The following EVL variants were observed in gnomAD, a reference collection of about 807,000 sequenced individuals.
EVL encodes ena/VASP-like protein.
In EVL, 21 loss-of-function variants were observed where a neutral mutation model predicts 59.6. That is an observed-to-expected ratio of 0.35 (90% CI 0.25 to 0.51). EVL has a LOEUF of 0.51. EVL is among the 20% of genes least tolerant of loss of function. The pLI is 0.97. For missense variants in EVL, 462 were observed against 546.6 expected (o/e 0.85, Z 1.54); for synonymous variants, 198 against 203.5 (o/e 0.97, Z 0.23).
chr14:100,079,392 A>G (rs112278458), intron 1 of EVL, among the ~76,000 whole-genome samples: 6,807 of 152,274 alleles, frequency 0.045, 221 homozygotes, highest in African/African-American at 0.078. Context: ...ATTCATGTCT[A>G]CAGCATACAG....
intron 1 of EVL, among the ~76,000 whole-genome samples, chr14:99,993,266 G>T (rs971057787): frequency 3.9e-5 from 6 of 151,968 alleles, no homozygotes; most frequent in Admixed American, 3.9e-4. Context: ...CACGGTGTTA[G>T]CCAAAATGGT....
At chr14:99,986,156 G>C (rs2060838725) in intron 1 of EVL, among the ~76,000 whole-genome samples, 1 of 151,934 alleles carries the variant, frequency 6.6e-6, no homozygotes, top group Non-Finnish European at 1.5e-5. Flanking sequence ...GCCAGACGTG[G>C]TGGCATGTGC....
At chr14:100,116,702 G>A (rs928486291) in intron 3 of EVL, among the ~76,000 whole-genome samples, 183 of 152,340 alleles carry the variant, frequency 1.2e-3, no homozygotes, top group African/African-American at 4.1e-3. Context: ...ATTCTCCTCC[G>A]TAGGGTCTCT....
chr14:100,143,446 C>T (rs1168016131), intron 13 of EVL, among the ~76,000 whole-genome samples: 3 of 152,180 alleles, frequency 2.0e-5, no homozygotes, highest in Non-Finnish European at 4.4e-5. Flanking sequence ...AGGCAGGGCA[C>T]AGGCCTCTGT....
intron 1 of EVL, among the ~76,000 whole-genome samples, chr14:100,070,951 G>A (rs376032031): frequency 4.3e-4 from 65 of 152,340 alleles, no homozygotes; most frequent in African/African-American, 1.4e-3. Context: ...CAAAGAAAGG[G>A]CTACGCCGGT....
intron 12 of EVL, 135 bp downstream of exon 12, chr14:100,141,381 C>T (rs537869493): frequency 1.6e-4 from 147 of 893,628 alleles, no homozygotes; most frequent in South Asian, 3.7e-4. Flanking sequence ...GGAGCAGCCA[C>T]GGCAGAAAGG....
Position 100,065,495 on chromosome 14 carries a change from T to C in EVL, c.-6T>C. 1 of 1,522,216 alleles carries C rather than the reference T, an allele frequency of 6.6e-7. No homozygotes were observed. Among genetic ancestry groups the C allele is most frequent in the South Asian group, 1.3e-5 (1 of 78,936 alleles). The allele number at this position is 1,522,216 out of a possible 1,614,324, so 94.3% of individuals were successfully genotyped here. ...TCAGGGTTCCCTGTGCTGCCACTTTTCAGCCATGGCCACAAGGTGAGTATT... is the reference window on the plus strand; with the variant it reads ...TCAGGGTTCCCTGTGCTGCCACTTTCCAGCCATGGCCACAAGGTGAGTATT... On this transcript the variant is annotated 5_prime_UTR_variant, in exon 1 of 14. Coordinates refer to ENST00000392920, the MANE Select transcript of EVL (RefSeq NM_016337.3).
chr14:100,111,624 G>A (rs1413812697), intron 3 of EVL, among the ~76,000 whole-genome samples: 1 of 152,162 alleles, frequency 6.6e-6, no homozygotes, highest in Non-Finnish European at 1.5e-5. Flanking sequence ...CTCAGTCGTA[G>A]CCAGAGTCAT....
chr14:100,102,924 T>C (rs911458082), intron 3 of EVL, among the ~76,000 whole-genome samples: 75 of 152,092 alleles, frequency 4.9e-4, no homozygotes, highest in African/African-American at 1.8e-3. Flanking sequence ...GGTGAAACTC[T>C]GTCTCTACTA....
At chr14:100,088,040 A>G (rs555383551) in intron 2 of EVL, among the ~76,000 whole-genome samples, 2 of 152,348 alleles carry the variant, frequency 1.3e-5, no homozygotes, top group South Asian at 4.1e-4. Flanking sequence ...GACCCCGGAG[A>G]ACAGACCTAG....
At chr14:100,025,018 A>G (rs550795486) in intron 1 of EVL, among the ~76,000 whole-genome samples, 2 of 152,138 alleles carry the variant, frequency 1.3e-5, no homozygotes, top group South Asian at 4.1e-4. Flanking sequence ...CTCTACTACC[A>G]CCAGCCTTGT....
At position 100,082,899 on chromosome 14, in the gene EVL, C is replaced by T. The variant is rs567479568; in HGVS notation, c.12-1788C>T. ...AATGGGCTGGCACTGGTGCCCCTGC[C>T]ACATTCAGTCAGCGGCTGGGAGCAG... is the stretch of plus-strand genomic sequence containing the variant. On this transcript the variant is annotated intron_variant, in intron 1 of 13. Coordinates refer to ENST00000392920, the MANE Select transcript of EVL (RefSeq NM_016337.3). Among the ~76,000 whole-genome samples the T allele has an allele frequency of 1.6e-4, 25 of 152,328 alleles. No homozygotes were observed. The South Asian group carries it at 5.0e-3, about 30-fold the overall frequency.
intron 2 of EVL, among the ~76,000 whole-genome samples, chr14:100,090,371 A>G (rs989563591): frequency 1.3e-5 from 2 of 152,234 alleles, no homozygotes; most frequent in African/African-American, 4.8e-5. Context: ...TGAAAAACAT[A>G]AAGAAGAAAC....
intron 1 of EVL, among the ~76,000 whole-genome samples, chr14:100,048,149 A>T (rs769314835): frequency 6.6e-6 from 1 of 152,338 alleles, no homozygotes; most frequent in Non-Finnish European, 1.5e-5. Flanking sequence ...TTCATCAAAA[A>T]GATAAATTTT....
At chr14:100,083,093 C>T (rs2062347902) in intron 1 of EVL, among the ~76,000 whole-genome samples, 1 of 152,208 alleles carries the variant, frequency 6.6e-6, no homozygotes, top group Non-Finnish European at 1.5e-5. Flanking sequence ...TGGTCACCTT[C>T]CAGCAAATGG....
At position 100,109,603 on chromosome 14, in the gene EVL, C is replaced by A. The variant is rs749693754; in HGVS notation, c.358+11945C>A. On this transcript the variant is annotated intron_variant, in intron 3 of 13. Coordinates refer to ENST00000392920, the MANE Select transcript of EVL (RefSeq NM_016337.3). This position sits in a 1 kb window ranked among gnomAD's most constrained non-coding sequence, Gnocchi z 4.3. ...GCACTTCCTGCCATTGCATCCTTCTCTGCAGACTAAGATGGAGTTCCTGAA... is the reference window on the plus strand; with the variant it reads ...GCACTTCCTGCCATTGCATCCTTCTATGCAGACTAAGATGGAGTTCCTGAA... The A allele has an allele frequency of 2.0e-5, 10 of 501,078 alleles. No individual in the cohort carries two copies. The highest frequency in any genetic ancestry group is 3.3e-5 in the Non-Finnish European group (8 of 240,880). The allele number at this position is 501,078 out of a possible 1,614,324, so 31.0% of individuals were successfully genotyped here.
chr14:100,020,371 T>C (rs2061100327), intron 1 of EVL, among the ~76,000 whole-genome samples: 1 of 151,720 alleles, frequency 6.6e-6, no homozygotes, highest in Admixed American at 6.6e-5. Context: ...ATAGAAGGAG[T>C]TTCTAAGAAA....
chr14:100,050,012 T>C (rs961762063), intron 1 of EVL, among the ~76,000 whole-genome samples: 8 of 152,232 alleles, frequency 5.3e-5, no homozygotes, highest in Non-Finnish European at 8.8e-5. Context: ...ACACATTTTC[T>C]GGCCCCTTTA....
chr14:100,001,142 A>G (rs748383679), intron 1 of EVL, among the ~76,000 whole-genome samples: 5 of 152,216 alleles, frequency 3.3e-5, no homozygotes, highest in Non-Finnish European at 7.3e-5. Context: ...GTAGGCAGGT[A>G]TGAAAGTGGC....
Sources: gnomAD v4.1 joint callset for allele counts (sites outside exome capture counted in the v4.1 genomes callset) on GRCh38, gnomAD v4.1.1 for gene constraint, Gnocchi (gnomAD v3.1) non-coding constraint, MANE v1.5 for transcripts, NCBI Gene and HGNC (gene_info 2026-07-23, HGNC 2026-07-21) for gene names.